The following GRIK2 variants were observed in gnomAD, a reference collection of about 807,000 sequenced individuals.
GRIK2 encodes glutamate receptor ionotropic, kainate 2.
In GRIK2, 32 loss-of-function variants were observed where a neutral mutation model predicts 100.3. The observed-to-expected ratio is 0.32, with a 90% confidence interval of 0.24 to 0.43. The LOEUF (loss-of-function observed/expected upper bound fraction) is 0.43. Ranked by LOEUF, GRIK2 falls within the 20% of genes least tolerant of loss-of-function variation. The probability of loss-of-function intolerance (pLI) is 1.00; values close to 1 mark genes in which losing one functional copy is unlikely to be tolerated. For missense variants in GRIK2, 843 were observed against 1,114.9 expected (o/e 0.76, Z 3.47); for synonymous variants, 417 against 389.4 (o/e 1.07, Z -0.83).
chr6:101,599,360 A>G lies in GRIK2; in HGVS notation c.116-22589A>G, dbSNP rs189299284. On this transcript the variant is annotated intron_variant, in intron 2 of 16. Transcript: ENST00000369134. ...TGATTCCCTGTCTTTGCTGTTGTGT[A>G]TAGTACTCCAATGAACAGACGAGTA... Among the ~76,000 whole-genome samples, 102 of 151,920 alleles carry G rather than the reference A, an allele frequency of 6.7e-4. 1 individual carries two copies. Among genetic ancestry groups the G allele is most frequent in the Middle Eastern group, 6.8e-3 (2 of 294 alleles).
In GRIK2 at chr6:101,473,830, G is replaced by A. The variant is rs566913220; in HGVS notation, c.115+74438G>A. On this transcript the variant is annotated intron_variant, in intron 2 of 16. Coordinates refer to ENST00000369134, the MANE Select transcript of GRIK2 (RefSeq NM_021956.5). The stretch of plus-strand genomic sequence containing the variant: ...TGTGGTGATCGATCACTAAATAGAA[G>A]GCACAAAAAATGAACAGCAGATGTT... Among the ~76,000 whole-genome samples the A allele has an allele frequency of 1.1e-4, 16 of 151,830 alleles. No homozygotes were observed. In the East Asian group the frequency reaches 2.9e-3, roughly 28 times the overall value.
At chr6:101,585,103 A>G (rs1778292942) in intron 2 of GRIK2, among the ~76,000 whole-genome samples, 1 of 151,970 alleles carries the variant, frequency 6.6e-6, no homozygotes, top group African/African-American at 2.4e-5. Context: ...GTTTATAATA[A>G]TCTCCTTATA....
intron 4 of GRIK2, among the ~76,000 whole-genome samples, chr6:101,637,272 A>G (rs1303502232): frequency 6.6e-6 from 1 of 152,094 alleles, no homozygotes; most frequent in Non-Finnish European, 1.5e-5. Flanking sequence ...ACTGACCTCC[A>G]TATTCACAGT....
intron 12 of GRIK2, among the ~76,000 whole-genome samples, chr6:101,899,220 AC>A (rs1787683812): frequency 6.6e-6 from 1 of 151,396 alleles, no homozygotes; most frequent in African/African-American, 2.4e-5. Context: ...AATTAGTAAA[AC>A]AAATGACCAT....
intron 2 of GRIK2, among the ~76,000 whole-genome samples, chr6:101,429,568 C>T (rs991383516): frequency 6.6e-6 from 1 of 152,044 alleles, no homozygotes; most frequent in African/African-American, 2.4e-5. Context: ...AACATCTTTT[C>T]TCTCAGTGGC....
chr6:101,709,317 G>A (rs1773548453), intron 7 of GRIK2, among the ~76,000 whole-genome samples: 1 of 151,744 alleles, frequency 6.6e-6, no homozygotes, highest in Non-Finnish European at 1.5e-5. Flanking sequence ...AAATGTCTGT[G>A]TTTTAAGCCA....
At chr6:101,502,693 C>T (rs1773822490) in intron 2 of GRIK2, among the ~76,000 whole-genome samples, 4 of 152,050 alleles carry the variant, frequency 2.6e-5, no homozygotes, top group Admixed American at 2.6e-4. Context: ...GATAGGATAT[C>T]TAGCTGTCAG....
At chr6:101,894,984 A>G (rs1176043928) in intron 12 of GRIK2, among the ~76,000 whole-genome samples, 1 of 151,820 alleles carries the variant, frequency 6.6e-6, no homozygotes, top group African/African-American at 2.4e-5. Context: ...TTAATAGTGC[A>G]TATCTTATTT....
intron 2 of GRIK2, among the ~76,000 whole-genome samples, chr6:101,571,154 A>C (rs1777506032): frequency 6.6e-6 from 1 of 152,124 alleles, no homozygotes; most frequent in Non-Finnish European, 1.5e-5. Flanking sequence ...CAGTTTGCAA[A>C]AATGAAAGCA....
intron 7 of GRIK2, among the ~76,000 whole-genome samples, chr6:101,758,897 CTT>C (rs1777307169): frequency 6.6e-6 from 1 of 152,030 alleles, no homozygotes; most frequent in Non-Finnish European, 1.5e-5. Flanking sequence ...TTTTGTTTAA[CTT>C]TATTTGTTTA....
chr6:101,493,769 A>G (rs951217337), intron 2 of GRIK2, among the ~76,000 whole-genome samples: 9 of 151,302 alleles, frequency 5.9e-5, no homozygotes, highest in African/African-American at 2.2e-4. Flanking sequence ...GAATTTGTGT[A>G]TATTTTACTT....
chr6:101,716,718 G>T (rs1774096100), intron 7 of GRIK2, among the ~76,000 whole-genome samples: 2 of 151,704 alleles, frequency 1.3e-5, no homozygotes, highest in Admixed American at 1.3e-4. Flanking sequence ...CCTGCATGTT[G>T]TGCACACGTA....
intron 7 of GRIK2, among the ~76,000 whole-genome samples, chr6:101,740,558 T>G (rs2128377336): frequency 6.6e-6 from 1 of 152,306 alleles, no homozygotes; most frequent in Middle Eastern, 3.4e-3. Context: ...CTTTGTTAGG[T>G]TTGACCCCAT....
At chr6:102,041,499 T>A (rs1233188021) in intron 15 of GRIK2, among the ~76,000 whole-genome samples, 1 of 151,554 alleles carries the variant, frequency 6.6e-6, no homozygotes, top group Non-Finnish European at 1.5e-5. Context: ...ACCCAAATGC[T>A]TTGCATTTGC....
intron 9 of GRIK2, among the ~76,000 whole-genome samples, chr6:101,808,262 G>A (rs984417379): frequency 6.6e-6 from 1 of 152,046 alleles, no homozygotes; most frequent in African/African-American, 2.4e-5. Context: ...AGACTGAGTT[G>A]ATGACATTAT....
intron 2 of GRIK2, among the ~76,000 whole-genome samples, chr6:101,491,791 T>A (rs1562176096): frequency 6.6e-6 from 1 of 152,000 alleles, no homozygotes; most frequent in African/African-American, 2.4e-5. Context: ...CTCATGCTAA[T>A]CTACATTCAG....
At chr6:101,711,836 G>A (rs1456632942) in intron 7 of GRIK2, among the ~76,000 whole-genome samples, 1 of 151,730 alleles carries the variant, frequency 6.6e-6, no homozygotes, top group African/African-American at 2.4e-5. Flanking sequence ...TGGCCAAAAT[G>A]TTACATAATG....
intron 10 of GRIK2, among the ~76,000 whole-genome samples, chr6:101,820,886 A>G (rs893318723): frequency 6.6e-6 from 1 of 152,158 alleles, no homozygotes; most frequent in Non-Finnish European, 1.5e-5. Flanking sequence ...TGTATACTTT[A>G]TGTACCAGAA....
At chr6:101,979,495 T>G (rs928829273) in intron 14 of GRIK2, among the ~76,000 whole-genome samples, 5 of 151,966 alleles carry the variant, frequency 3.3e-5, no homozygotes, top group Non-Finnish European at 7.4e-5. Flanking sequence ...AAAGGACATT[T>G]GCTGAATGCC....
Sources: allele counts gnomAD v4.1 joint callset (sites outside exome capture counted in the v4.1 genomes callset), GRCh38; gene constraint gnomAD v4.1.1; transcripts MANE v1.5; gene names NCBI Gene and HGNC (gene_info 2026-07-23, HGNC 2026-07-21).